The following TNIK variants were observed in gnomAD, a reference collection of about 807,000 sequenced individuals.
TNIK encodes the protein TRAF2 and NCK-interacting protein kinase.
TNIK carries 49 observed loss-of-function variants against 191.3 expected under a neutral mutation model. That is an observed-to-expected ratio of 0.26 (90% confidence interval 0.20 to 0.32). TNIK has a LOEUF of 0.32. TNIK is among the 10% of genes least tolerant of loss of function. The probability of loss-of-function intolerance (pLI) is 1.00; values close to 1 mark genes in which losing one functional copy is unlikely to be tolerated. For missense variants in TNIK, 1,155 were observed against 1,702.3 expected, an observed-to-expected ratio of 0.68 and a Z score of 5.66; for synonymous variants, 594 against 600.9, an observed-to-expected ratio of 0.99 and a Z score of 0.17.
At chr3:171,317,221 G>T (rs1413508079) in intron 2 of TNIK, among the ~76,000 whole-genome samples, 1 of 151,994 alleles carries the variant, frequency 6.6e-6, no homozygotes, top group Non-Finnish European at 1.5e-5. Flanking sequence ...AGGTTCTTTG[G>T]TTTAGGTTTG....
At chr3:171,204,450 G>A (rs1739813165) in intron 4 of TNIK, among the ~76,000 whole-genome samples, 1 of 152,224 alleles carries the variant, frequency 6.6e-6, no homozygotes. Flanking sequence ...AATATTTCAT[G>A]TAGTCTGAAT....
intron 3 of TNIK, among the ~76,000 whole-genome samples, chr3:171,223,356 G>A (rs1742592716): frequency 6.6e-6 from 1 of 152,052 alleles, no homozygotes; most frequent in Admixed American, 6.5e-5. Flanking sequence ...AAATATTTAG[G>A]GCAAGGTTGT....
intron 18 of TNIK, among the ~76,000 whole-genome samples, chr3:171,120,276 C>A (rs529587018): frequency 6.6e-6 from 1 of 151,714 alleles, no homozygotes; most frequent in African/African-American, 2.4e-5. Context: ...AAAAACTGAC[C>A]GTTTTTGCTT....
At chr3:171,382,351 GT>G (rs1718159741) in intron 1 of TNIK, among the ~76,000 whole-genome samples, 1 of 151,602 alleles carries the variant, frequency 6.6e-6, no homozygotes, top group South Asian at 2.1e-4. Flanking sequence ...CTCTGAAGTA[GT>G]TAAGATTACA....
chr3:171,427,980 G>C (rs749967796), intron 1 of TNIK, among the ~76,000 whole-genome samples: 12 of 152,130 alleles, frequency 7.9e-5, no homozygotes, highest in Admixed American at 5.9e-4. Context: ...GAATGAGGAG[G>C]GTGTGTGTTT....
chr3:171,064,754 C>T (rs1308434839), intron 32 of TNIK, among the ~76,000 whole-genome samples: 1 of 152,194 alleles, frequency 6.6e-6, no homozygotes, highest in Non-Finnish European at 1.5e-5. Flanking sequence ...ATATTTTGGG[C>T]TATGGCCTAG....
At chr3:171,114,161 C>T (rs755851196) in intron 18 of TNIK, among the ~76,000 whole-genome samples, 1 of 152,108 alleles carries the variant, frequency 6.6e-6, no homozygotes, top group Non-Finnish European at 1.5e-5. Flanking sequence ...TCAAATCTAT[C>T]GCCTTCCAGA....
chr3:171,317,145 T>C (rs1345751548), intron 2 of TNIK, among the ~76,000 whole-genome samples: 1 of 152,002 alleles, frequency 6.6e-6, no homozygotes. Context: ...CAGGGGAAGA[T>C]GATTAACTAC....
intron 2 of TNIK, among the ~76,000 whole-genome samples, chr3:171,233,626 T>A (rs928834279): frequency 6.6e-6 from 1 of 152,186 alleles, no homozygotes; most frequent in Non-Finnish European, 1.5e-5. Flanking sequence ...TGAAGGATGA[T>A]GGCCACTTGG....
intron 9 of TNIK, 131 bp downstream of exon 9, chr3:171,175,121 A>G: frequency 1.2e-6 from 1 of 868,224 alleles, no homozygotes; most frequent in Non-Finnish European, 1.9e-6. Context: ...GCATATGGAA[A>G]GTAATTCACC....
intron 2 of TNIK, among the ~76,000 whole-genome samples, chr3:171,284,731 C>A (rs1750837476): frequency 6.6e-6 from 1 of 152,174 alleles, no homozygotes. Flanking sequence ...CTGTCTTTTA[C>A]ACATTTTTAT....
At chr3:171,093,811 C>T in intron 23 of TNIK, 28 bp downstream of exon 23, 2 of 1,611,648 alleles carry the variant, frequency 1.2e-6, no homozygotes, top group Non-Finnish European at 8.5e-7. Flanking sequence ...AATGGCATTT[C>T]CTCTACACAG....
chr3:171,312,333 T>C (rs935726281), intron 2 of TNIK, among the ~76,000 whole-genome samples: 3 of 152,126 alleles, frequency 2.0e-5, no homozygotes, highest in African/African-American at 7.2e-5. Context: ...ATTATTTTTA[T>C]ATGAAAATAG....
chr3:171,104,331 A>G (rs939160771), intron 21 of TNIK, among the ~76,000 whole-genome samples: 1 of 152,128 alleles, frequency 6.6e-6, no homozygotes, highest in Non-Finnish European at 1.5e-5. Context: ...CATATATTTT[A>G]TTCTTTGACA....
rs1560433753 is a variant in TNIK at position 171,327,928 on chromosome 3, A to AAAAAAAAAAAAAAAAC, written c.123+41691_123+41692insGTTTTTTTTTTTTTTT. Among the ~76,000 whole-genome samples the AAAAAAAAAAAAAAAAC allele has an allele frequency of 3.9e-5, 5 of 129,502 alleles. 1 individual carries two copies. The highest frequency in any genetic ancestry group is 1.6e-4 in the African/African-American group (5 of 31,542). The allele number at this position is 129,502 out of a possible 152,430, so 85.0% of individuals were successfully genotyped here. A position where few individuals can be genotyped will look rare whatever the true frequency, so the allele number is the denominator to read the frequency against. ...AAAAAAAAAAAAAAAAAAAAAAAAA[A>AAAAAAAAAAAAAAAAC]AAATCACTTGTTTGGAAAAAGAACC... On this transcript the variant is annotated intron_variant, in intron 2 of 32. Coordinates refer to ENST00000436636, the MANE Select transcript of TNIK (RefSeq NM_015028.4).
chr3:171,331,414 C>T (rs569476530), intron 2 of TNIK, among the ~76,000 whole-genome samples: 4 of 152,116 alleles, frequency 2.6e-5, no homozygotes, highest in Admixed American at 6.6e-5. Context: ...CCAGTTTTGG[C>T]GAGTTGATCA....
rs374345714 is a variant in TNIK, at chr3:171,255,357, G to A, written c.124-27136C>T. Among the ~76,000 whole-genome samples the A allele has an allele frequency of 6.6e-4, 101 of 152,286 alleles. 1 individual carries two copies. The South Asian group carries it at 0.021, about 31-fold the overall frequency. On this transcript the variant is annotated intron_variant, in intron 2 of 32. Coordinates refer to ENST00000436636, the MANE Select transcript of TNIK (RefSeq NM_015028.4). Reference sequence around the variant, plus strand: ...TAGATTTTTCTAAAGCTCCCTGGGTGACAAATGCTGTCTGGTTACAACCAT... The same window carrying A: ...TAGATTTTTCTAAAGCTCCCTGGGTAACAAATGCTGTCTGGTTACAACCAT...
chr3:171,250,069 G>A (rs1161381164), intron 2 of TNIK, among the ~76,000 whole-genome samples: 13 of 152,206 alleles, frequency 8.5e-5, no homozygotes, highest in Admixed American at 7.9e-4. Flanking sequence ...ATGCCTGCAT[G>A]CTTCTGCCTT....
chr3:171,449,597 G>C (rs1230634253), intron 1 of TNIK, among the ~76,000 whole-genome samples: 5 of 151,900 alleles, frequency 3.3e-5, no homozygotes, highest in Non-Finnish European at 7.4e-5. Context: ...CCATGCATAG[G>C]AAAAAACTAC....
Sources: allele counts gnomAD v4.1 joint callset (sites outside exome capture counted in the v4.1 genomes callset), GRCh38; gene constraint gnomAD v4.1.1; transcripts MANE v1.5; gene names NCBI Gene and HGNC (gene_info 2026-07-23, HGNC 2026-07-21).